Variants in ST14 observed in about 807,000 individuals in gnomAD.
ST14 encodes suppressor of tumorigenicity 14 protein.
Under a neutral mutation model 96.5 loss-of-function variants are expected in ST14, and 40 were observed. The observed-to-expected ratio is 0.41, with a 90% CI of 0.32 to 0.54. The LOEUF is 0.54. Among genes scored for constraint, ST14 ranks in the 20% least tolerant of loss-of-function variants. The pLI is 0.17. For synonymous variants in ST14, 506 were observed against 492.1 expected (o/e 1.03, Z -0.37); for missense variants, 1,066 against 1,188.9 (o/e 0.90, Z 1.52).
intron 1 of ST14, among the ~76,000 whole-genome samples, chr11:130,179,511 G>A (rs2136207581): frequency 6.6e-6 from 1 of 152,316 alleles, no homozygotes; most frequent in East Asian, 1.9e-4. Flanking sequence ...GAGGCCCCGT[G>A]CTGGGCCCTG....
intron 1 of ST14, among the ~76,000 whole-genome samples, chr11:130,184,311 G>A (rs1346866333): frequency 2.0e-5 from 3 of 152,202 alleles, no homozygotes; most frequent in African/African-American, 7.2e-5. Context: ...AGGTTTGCAA[G>A]AGCAAGTCAA....
At position 130,194,852 on chromosome 11, in the gene ST14, ATGTG is replaced by A. The variant is rs58417767; in HGVS notation, c.1113+136_1113+139del. ...TGTGCATGTGTTTGCATATGTGTGC[ATGTG>A]TGTGTGTGTGTGTGTGTGTGCGTAT... is the stretch of plus-strand genomic sequence containing the variant. On this transcript the variant is annotated intron_variant, in intron 9 of 18. Coordinates refer to ENST00000278742, the MANE Select transcript of ST14 (RefSeq NM_021978.4). 3.1e-3 allele frequency: 2,441 copies of A among 782,622 alleles called. 30 individuals are homozygous for A. Among genetic ancestry groups the A allele is most frequent in the African/African-American group, 0.031 (1,767 of 56,804 alleles). 48.5% of individuals were successfully genotyped at this position (782,622 alleles called of 1,614,324 possible).
At chr11:130,176,057 T>A (rs893264523) in intron 1 of ST14, among the ~76,000 whole-genome samples, 2 of 151,874 alleles carry the variant, frequency 1.3e-5, no homozygotes, top group African/African-American at 4.8e-5. Flanking sequence ...TGCGTTTCTG[T>A]GCCTGATAGT....
chr11:130,209,617 G>A (rs1953529454), intron 18 of ST14, 39 bp downstream of exon 18: 1 of 1,579,884 alleles, frequency 6.3e-7, no homozygotes. Flanking sequence ...TGGGCCCCGG[G>A]AGAGGCGGGA....
intron 1 of ST14, among the ~76,000 whole-genome samples, chr11:130,173,039 G>T (rs1280571931): frequency 1.3e-5 from 2 of 152,134 alleles, no homozygotes; most frequent in South Asian, 4.1e-4. Context: ...CCACGCGAGT[G>T]GTCAGGACTG....
chr11:130,190,050 G>T (rs1953280049), intron 5 of ST14, 63 bp from the exon 6 acceptor site: 1 of 1,613,224 alleles, frequency 6.2e-7, no homozygotes, highest in South Asian at 1.1e-5. Context: ...TAGATAATAA[G>T]GAAGCAGGAA....
Position 130,188,985 on chromosome 11 carries a change from G to T in ST14, c.440+46G>T. 1 of 1,574,036 alleles carries T rather than the reference G, an allele frequency of 6.4e-7. No individual in the cohort carries two copies. The highest frequency in any genetic ancestry group is 8.7e-7 in the Non-Finnish European group (1 of 1,155,928). On this transcript the variant is annotated intron_variant, in intron 4 of 18. Transcript: ENST00000278742. This position sits in a 1 kb window ranked among gnomAD's most constrained non-coding sequence, Gnocchi z 5.4. ...CAGTGGGATGCACCCCAGACTGGCT[G>T]GGAGTAGGATCGGGGTACAGTGTGT... is the stretch of plus-strand genomic sequence containing the variant.
At chr11:130,200,988 C>T (rs771972179) in intron 16 of ST14, among the ~76,000 whole-genome samples, 1 of 152,224 alleles carries the variant, frequency 6.6e-6, no homozygotes, top group African/African-American at 2.4e-5. Flanking sequence ...ACTTCCTAGG[C>T]CTTGGGTTCT....
intron 1 of ST14, among the ~76,000 whole-genome samples, chr11:130,169,589 G>A (rs1030615674): frequency 1.3e-5 from 2 of 152,114 alleles, no homozygotes; most frequent in African/African-American, 4.8e-5. Flanking sequence ...GACATAGATG[G>A]AACTTAATAC....
rs1292229095 is a variant in ST14 at position 130,210,086 on chromosome 11, C to G, written c.*263C>G. 2.0e-6 allele frequency: 1 copy of G among 491,178 alleles called. No individual in the cohort carries two copies. Among genetic ancestry groups the G allele is most frequent in the Non-Finnish European group, 3.7e-6 (1 of 273,952 alleles). 30.4% of individuals were successfully genotyped at this position (491,178 alleles called of 1,614,324 possible). On this transcript the variant is annotated 3_prime_UTR_variant, in exon 19 of 19. Coordinates refer to ENST00000278742, the MANE Select transcript of ST14 (RefSeq NM_021978.4). ...GCAAAGGTTTGAAGACACAGCCTCCCCCGCCAGCCCCAAGCTGGGCCGAGG... is the reference window on the plus strand; with the variant it reads ...GCAAAGGTTTGAAGACACAGCCTCCGCCGCCAGCCCCAAGCTGGGCCGAGG...
At chr11:130,189,351 G>A in intron 4 of ST14, 1 of 439,972 alleles carries the variant, frequency 2.3e-6, no homozygotes, top group East Asian at 4.5e-5. Flanking sequence ...TTTTTATTTT[G>A]CTAGTTCGTT....
intron 1 of ST14, among the ~76,000 whole-genome samples, chr11:130,180,753 G>C (rs1953184326): frequency 6.6e-6 from 1 of 152,214 alleles, no homozygotes; most frequent in South Asian, 2.1e-4. Flanking sequence ...TGACTTAATG[G>C]GAGTAGGCTG....
chr11:130,185,500 A>C (rs975645289), intron 1 of ST14, among the ~76,000 whole-genome samples: 4 of 152,110 alleles, frequency 2.6e-5, no homozygotes, highest in African/African-American at 9.7e-5. Flanking sequence ...AAAAAATTAG[A>C]AAAAAATTAA....
rs1367286076 is a variant in ST14, at chr11:130,187,283, C to T, written c.82-831C>T. Among the ~76,000 whole-genome samples the T allele has an allele frequency of 6.6e-6, 1 of 152,188 alleles. No homozygotes were observed. The highest frequency in any genetic ancestry group is 1.5e-5 in the Non-Finnish European group (1 of 68,034). On this transcript the variant is annotated intron_variant, in intron 1 of 18. Transcript: ENST00000278742. The surrounding 1 kb of genome is among the most constrained non-coding windows in gnomAD (Gnocchi z 4.5). Reference sequence around the variant, plus strand: ...ATGTGCTATCGGCAGAAGCCTTCGCCGGTCCGTCACTGGGTGCAGCAGACA... The same window carrying T: ...ATGTGCTATCGGCAGAAGCCTTCGCTGGTCCGTCACTGGGTGCAGCAGACA...
At chr11:130,173,162 C>A (rs1393246478) in intron 1 of ST14, among the ~76,000 whole-genome samples, 1 of 152,172 alleles carries the variant, frequency 6.6e-6, no homozygotes, top group African/African-American at 2.4e-5. Context: ...TTAGCTAATT[C>A]CTGCTAATGA....
At chr11:130,201,588 G>T (rs1393763177) in intron 16 of ST14, among the ~76,000 whole-genome samples, 1 of 152,260 alleles carries the variant, frequency 6.6e-6, no homozygotes, top group Admixed American at 6.5e-5. Context: ...GCTTTGTCCA[G>T]CCTGAGGCTG....
chr11:130,189,847 G>T lies in ST14; in HGVS notation c.549G>T (p.Pro183=). Residue 183 remains proline (P), a synonymous_variant, in exon 5 of 19, where the codon CCG becomes CCT. Coordinates refer to ENST00000278742, the MANE Select transcript of ST14 (RefSeq NM_021978.4). ...AGGAGCGCGTAGTCATGCTGCCCCC[G>T]CGGGCGCGCTCCCTGAAGTCCTTTG... ...MAEERVVMLP[P]RARSLKSFVV... is the part of the protein sequence containing the mutation. 4.3e-6 allele frequency: 7 copies of T among 1,613,864 alleles called. No homozygotes were observed. The highest frequency in any genetic ancestry group is 5.9e-6 in the Non-Finnish European group (7 of 1,179,922).
chr11:130,189,457 C>T (rs752948650), intron 4 of ST14: 4 of 540,740 alleles, frequency 7.4e-6, no homozygotes, highest in African/African-American at 1.9e-5. Flanking sequence ...TGTGTCCTCG[C>T]TTGTGGCCAA....
chr11:130,209,138 C>T (rs1233375404), intron 17 of ST14, among the ~76,000 whole-genome samples: 1 of 152,172 alleles, frequency 6.6e-6, no homozygotes, highest in Non-Finnish European at 1.5e-5. Context: ...CTCCAATGCC[C>T]TCACAGAACC....
Sources: allele counts gnomAD v4.1 joint callset (sites outside exome capture counted in the v4.1 genomes callset), GRCh38; gene constraint gnomAD v4.1.1; non-coding constraint Gnocchi (gnomAD v3.1); transcripts MANE v1.5; gene names NCBI Gene and HGNC (gene_info 2026-07-23, HGNC 2026-07-21).